The following ZBTB16 variants were observed in gnomAD, a reference collection of about 807,000 sequenced individuals.
The protein encoded by ZBTB16 is zinc finger and BTB domain containing 16, also known as zinc finger and BTB domain-containing protein 16.
A neutral mutation model predicts 56.8 loss-of-function variants in ZBTB16; 8 were observed. The observed-to-expected ratio is 0.14, with a 90% CI of 0.08 to 0.25. The LOEUF (loss-of-function observed/expected upper bound fraction) is 0.25. Among genes scored for constraint, ZBTB16 ranks in the 10% least tolerant of loss-of-function variants. The pLI, the probability that ZBTB16 is intolerant of heterozygous loss-of-function variation, is 1.00. For missense variants in ZBTB16, 625 were observed against 903.0 expected (o/e 0.69, Z 3.95); for synonymous variants, 363 against 368.5 (o/e 0.98, Z 0.17).
At chr11:114,210,192 T>TGTGCGCGC (rs773801156) in intron 4 of ZBTB16, among the ~76,000 whole-genome samples, 81 of 143,340 alleles carry the variant, frequency 5.7e-4, no homozygotes, top group Middle Eastern at 3.6e-3. Context: ...TGTGTGTGTG[T>TGTGCGCGC]GCGTGCGCGC....
rs1222082724 is a variant in ZBTB16, at chr11:114,209,907, G to A, written c.1453+22869G>A. Reference sequence around the variant, plus strand: ...CTTCATGAAGGATATCTGTATGTCTGCTACAGTCTCAGGAATGCAGCCACA... The same window carrying A: ...CTTCATGAAGGATATCTGTATGTCTACTACAGTCTCAGGAATGCAGCCACA... On this transcript the variant is annotated intron_variant, in intron 4 of 6. Coordinates refer to ENST00000335953, the MANE Select transcript of ZBTB16 (RefSeq NM_006006.6). The A allele has an allele frequency of 1.3e-5, 13 of 985,286 alleles. No individual in the cohort carries two copies. In the East Asian group the frequency reaches 1.4e-3, roughly 103 times the overall value. 61.0% of individuals were successfully genotyped at this position (985,286 alleles called of 1,614,324 possible).
At chr11:114,065,483 C>A (rs1939079934) in intron 2 of ZBTB16, among the ~76,000 whole-genome samples, 1 of 151,916 alleles carries the variant, frequency 6.6e-6, no homozygotes, top group Non-Finnish European at 1.5e-5. Context: ...ATGGTGTGAT[C>A]TCTGCTCACC....
At chr11:114,210,081 T>G (rs1943964126) in intron 4 of ZBTB16, 2 of 393,364 alleles carry the variant, frequency 5.1e-6, no homozygotes, top group Non-Finnish European at 6.9e-6. Flanking sequence ...GAAGAGCAGA[T>G]GAAGGAGGTG....
At chr11:114,172,371 A>C (rs1046053501) in intron 3 of ZBTB16, among the ~76,000 whole-genome samples, 1 of 152,186 alleles carries the variant, frequency 6.6e-6, no homozygotes, top group African/African-American at 2.4e-5. Flanking sequence ...GGTGCCAGGT[A>C]CTGTGCCAGA....
In ZBTB16 at chr11:114,135,889, G is replaced by A. The variant is rs189350146; in HGVS notation, c.1269-20448G>A. 3.9e-3 allele frequency among the ~76,000 whole-genome samples: 595 copies of A among 152,302 alleles called. 2 individuals carry two copies. The highest frequency in any genetic ancestry group is 6.1e-3 in the Non-Finnish European group (415 of 68,026). On this transcript the variant is annotated intron_variant, in intron 2 of 6. Transcript: ENST00000335953. The stretch of plus-strand genomic sequence containing the variant: ...CTTTTTTATCTGAAATGCCAGGGAG[G>A]ATGGACTCTTATTCAGCCTAGCTTC...
At position 114,192,989 on chromosome 11, in the gene ZBTB16, C is replaced by G. The variant is rs529966691; in HGVS notation, c.1453+5951C>G. On this transcript the variant is annotated intron_variant, in intron 4 of 6. Transcript: ENST00000335953. Reference sequence around the variant, plus strand: ...TGTGGAGGCTGTTCCTAGGCGGACCCCAGACATATGGAGCACCCCCTGTGT... The same window carrying G: ...TGTGGAGGCTGTTCCTAGGCGGACCGCAGACATATGGAGCACCCCCTGTGT... Among the ~76,000 whole-genome samples, 163 of 152,286 alleles carry G rather than the reference C, an allele frequency of 1.1e-3. 1 individual carries two copies. Among genetic ancestry groups the G allele is most frequent in the African/African-American group, 3.7e-3 (155 of 41,566 alleles).
chr11:114,231,924 G>A (rs1944447658), intron 4 of ZBTB16, among the ~76,000 whole-genome samples: 1 of 152,136 alleles, frequency 6.6e-6, no homozygotes, highest in South Asian at 2.1e-4. Context: ...AGGAAACTGA[G>A]GCCCAGAAAG....
chr11:114,075,096 G>A (rs1208548408), intron 2 of ZBTB16, among the ~76,000 whole-genome samples: 1 of 152,180 alleles, frequency 6.6e-6, no homozygotes, highest in Non-Finnish European at 1.5e-5. Flanking sequence ...TGGATTTCAT[G>A]GGAGGATTCC....
Position 114,064,148 on chromosome 11 carries a change from C to G in ZBTB16, c.848C>G (p.Pro283Arg). ...AGAGGCAAAGAGGGGCCTGGGACCC[C>G]GACTCGAAGCAGCGTCATCACCAGT... ...EERGKEGPGT[P>R]TRSSVITSAR... is the part of the protein sequence containing the mutation. The change falls in exon 2 of 7, where the codon CCG becomes CGG. Residue 283 changes from proline (P) to arginine (R), a missense_variant. Physicochemically the swap from Pro to Arg is moderately radical, Grantham distance 103. Coordinates refer to ENST00000335953, the MANE Select transcript of ZBTB16 (RefSeq NM_006006.6). The surrounding 1 kb of genome is among the most constrained non-coding windows in gnomAD (Gnocchi z 4.2). 6.2e-7 allele frequency: 1 copy of G among 1,613,848 alleles called. No homozygotes were observed.
intron 2 of ZBTB16, among the ~76,000 whole-genome samples, chr11:114,132,886 C>T (rs1301648562): frequency 6.6e-6 from 1 of 152,092 alleles, no homozygotes; most frequent in African/African-American, 2.4e-5. Context: ...TGTGTCTCCC[C>T]TCCTTTCTCT....
intron 2 of ZBTB16, among the ~76,000 whole-genome samples, chr11:114,125,787 G>A (rs80227365): frequency 0.038 from 5,822 of 152,068 alleles, 157 homozygotes; most frequent in Non-Finnish European, 0.05. Flanking sequence ...GACCTTTTTC[G>A]TTTCAGACAG....
chr11:114,125,791 C>T (rs1941492678), intron 2 of ZBTB16, among the ~76,000 whole-genome samples: 1 of 152,100 alleles, frequency 6.6e-6, no homozygotes, highest in Non-Finnish European at 1.5e-5. Context: ...TTTTTCGTTT[C>T]AGACAGCTAG....
chr11:114,108,299 C>G (rs547894389), intron 2 of ZBTB16, among the ~76,000 whole-genome samples: 3 of 152,292 alleles, frequency 2.0e-5, no homozygotes, highest in East Asian at 3.9e-4. Context: ...AGCTCAGGAG[C>G]TAGAACACCT....
rs553296682 is a variant in ZBTB16, at chr11:114,073,415, CCT to C, written c.1268+8848_1268+8849del. Among the ~76,000 whole-genome samples, 8 of 152,270 alleles carry C rather than the reference CCT, an allele frequency of 5.3e-5. No individual in the cohort carries two copies. In the East Asian group the frequency reaches 1.5e-3, roughly 29 times the overall value. On this transcript the variant is annotated intron_variant, in intron 2 of 6. Coordinates refer to ENST00000335953, the MANE Select transcript of ZBTB16 (RefSeq NM_006006.6). The stretch of plus-strand genomic sequence containing the variant: ...TCATGCCAGCATAATCAGAAATTCC[CCT>C]TTCTACTGTTTCCCCTTAAAAGCCC...
intron 4 of ZBTB16, among the ~76,000 whole-genome samples, chr11:114,207,691 G>A (rs572545491): frequency 6.6e-6 from 1 of 152,094 alleles, no homozygotes; most frequent in South Asian, 2.1e-4. Context: ...TCAGCTCACT[G>A]CAACCTCCGC....
intron 2 of ZBTB16, among the ~76,000 whole-genome samples, chr11:114,121,151 T>A (rs1270072790): frequency 1.3e-5 from 2 of 152,216 alleles, no homozygotes; most frequent in African/African-American, 4.8e-5. Context: ...AATATTCTTC[T>A]GTTGATGTGC....
rs796880200 is a variant in ZBTB16, at chr11:114,102,222, G to GA, written c.1268+37664dup. ...TCTCAGTAGCTATTTACCTTTAGGAGAAAAAAAAAATCCTTAACCAAATGC... is the reference window on the plus strand; with the variant it reads ...TCTCAGTAGCTATTTACCTTTAGGAGAAAAAAAAAAATCCTTAACCAAATGC... On this transcript the variant is annotated intron_variant, in intron 2 of 6. Transcript: ENST00000335953. 7.3e-3 allele frequency among the ~76,000 whole-genome samples: 1,091 copies of GA among 149,970 alleles called. 15 individuals carry two copies. The highest frequency in any genetic ancestry group is 0.025 in the African/African-American group (1,024 of 40,910).
chr11:114,134,868 G>T (rs1941758747), intron 2 of ZBTB16, among the ~76,000 whole-genome samples: 1 of 152,220 alleles, frequency 6.6e-6, no homozygotes. Context: ...ACACTGCTGT[G>T]TTCTTTTAAA....
chr11:114,208,025 G>A (rs972265047), intron 4 of ZBTB16, among the ~76,000 whole-genome samples: 3 of 152,114 alleles, frequency 2.0e-5, no homozygotes, highest in Non-Finnish European at 4.4e-5. Context: ...TTGGGATTAC[G>A]GGTGTGAACC....
Sources: allele counts gnomAD v4.1 joint callset (sites outside exome capture counted in the v4.1 genomes callset), GRCh38; gene constraint gnomAD v4.1.1; non-coding constraint Gnocchi (gnomAD v3.1); transcripts MANE v1.5; gene names NCBI Gene and HGNC (gene_info 2026-07-23, HGNC 2026-07-21).